Variants in SLC10A7 observed in about 807,000 individuals in gnomAD.
SLC10A7 encodes the protein sodium/bile acid cotransporter 7.
In SLC10A7, 29 loss-of-function variants were observed where a neutral mutation model predicts 43.2. The ratio of observed to expected loss-of-function variants is 0.67; its 90% CI spans 0.50 to 0.92. The LOEUF is 0.92. Ranked by LOEUF, SLC10A7 falls within the 40% of genes least tolerant of loss-of-function variation. SLC10A7 has a pLI of 0.00. For missense variants in SLC10A7, 295 were observed against 403.2 expected, an observed-to-expected ratio of 0.73 and a Z score of 2.30; for synonymous variants, 152 against 144.8, an observed-to-expected ratio of 1.05 and a Z score of -0.35.
intron 4 of SLC10A7, among the ~76,000 whole-genome samples, chr4:146,496,742 A>T (rs1463991248): frequency 3.3e-5 from 5 of 152,206 alleles, no homozygotes; most frequent in Non-Finnish European, 7.3e-5. Context: ...ACATTTCTGA[A>T]ATCACCCATG....
chr4:146,350,670 C>T (rs375293789), intron 5 of SLC10A7, among the ~76,000 whole-genome samples: 1 of 103,576 alleles, frequency 9.7e-6, no homozygotes, highest in African/African-American at 5.2e-5. Context: ...TCTCCCAGCA[C>T]GCAGCTGGAG....
intron 5 of SLC10A7, among the ~76,000 whole-genome samples, chr4:146,360,606 TTTTG>T (rs1001193864): frequency 2.7e-5 from 4 of 150,362 alleles, no homozygotes; most frequent in African/African-American, 7.3e-5. Flanking sequence ...ACACCTGGCT[TTTTG>T]TTTGTTTGTT....
At chr4:146,456,682 C>A (rs1049878246) in intron 4 of SLC10A7, among the ~76,000 whole-genome samples, 3 of 151,900 alleles carry the variant, frequency 2.0e-5, no homozygotes, top group South Asian at 2.1e-4. Flanking sequence ...TGCTCACAAA[C>A]CAAGAGGCAA....
intron 5 of SLC10A7, among the ~76,000 whole-genome samples, chr4:146,352,878 T>G (rs1336471741): frequency 7.0e-6 from 1 of 143,632 alleles, no homozygotes; most frequent in Non-Finnish European, 1.5e-5. Context: ...CTGGGACGCA[T>G]TCAAAGCAGT....
intron 5 of SLC10A7, among the ~76,000 whole-genome samples, chr4:146,370,498 G>C (rs1027297156): frequency 5.3e-5 from 8 of 152,270 alleles, no homozygotes; most frequent in African/African-American, 1.7e-4. Context: ...AGGCAAGGTG[G>C]TGTCAGCTTA....
At chr4:146,380,612 C>T (rs958871080) in intron 5 of SLC10A7, among the ~76,000 whole-genome samples, 23 of 152,012 alleles carry the variant, frequency 1.5e-4, no homozygotes, top group Admixed American at 1.5e-3. Context: ...TTAGGTGTTG[C>T]TAAAGGCTAC....
At chr4:146,507,746 G>A (rs887006059) in intron 3 of SLC10A7, among the ~76,000 whole-genome samples, 2 of 152,122 alleles carry the variant, frequency 1.3e-5, no homozygotes, top group Non-Finnish European at 2.9e-5. Context: ...TAAGGAGCAT[G>A]TGCTCAGAAC....
chr4:146,506,918 T>C (rs1156490167), intron 3 of SLC10A7, among the ~76,000 whole-genome samples: 1 of 152,238 alleles, frequency 6.6e-6, no homozygotes, highest in African/African-American at 2.4e-5. Context: ...ATGTCTAATA[T>C]TGTATTTATA....
intron 5 of SLC10A7, among the ~76,000 whole-genome samples, chr4:146,408,359 G>C (rs1056079887): frequency 5.3e-5 from 8 of 151,954 alleles, no homozygotes; most frequent in Non-Finnish European, 1.2e-4. Context: ...ACCACCCTGG[G>C]GGCAACATGG....
At chr4:146,423,764 C>T (rs1044416856) in intron 5 of SLC10A7, among the ~76,000 whole-genome samples, 2 of 152,086 alleles carry the variant, frequency 1.3e-5, no homozygotes, top group African/African-American at 4.8e-5. Context: ...TGAAATATAG[C>T]CTTGTGAGTT....
rs139512310 is a variant in SLC10A7, at chr4:146,346,529, C to T, written c.436-20533G>A. Among the ~76,000 whole-genome samples, 6 of 152,172 alleles carry T rather than the reference C, an allele frequency of 3.9e-5. No homozygotes were observed. The East Asian group carries it at 1.2e-3, about 29-fold the overall frequency. ...AAGTGAATCAAAATAAAGCTATGAG[C>T]CTTAAGTTTCAGAATTACATAGATA... On this transcript the variant is annotated intron_variant, in intron 5 of 11. Transcript: ENST00000335472.
intron 10 of SLC10A7, among the ~76,000 whole-genome samples, chr4:146,260,854 G>A (rs943572763): frequency 2.0e-5 from 3 of 152,136 alleles, no homozygotes; most frequent in African/African-American, 7.2e-5. Context: ...CCTCCCAGAA[G>A]CACTTCCAGG....
rs573198190 is a variant in SLC10A7 at position 146,422,634 on chromosome 4, T to C, written c.435+20149A>G. 3.9e-5 allele frequency among the ~76,000 whole-genome samples: 6 copies of C among 152,274 alleles called. No homozygotes were observed. The East Asian group carries it at 1.2e-3, about 29-fold the overall frequency. On this transcript the variant is annotated intron_variant, in intron 5 of 11. Coordinates refer to ENST00000335472, the MANE Select transcript of SLC10A7 (RefSeq NM_001029998.6). The stretch of plus-strand genomic sequence containing the variant: ...ATCCAGCTATGACAAACATTAGACC[T>C]GATTTTCTTATATGTATTACTTGTC...
intron 4 of SLC10A7, among the ~76,000 whole-genome samples, chr4:146,487,835 C>T (rs1229377109): frequency 2.6e-5 from 4 of 151,728 alleles, no homozygotes; most frequent in Admixed American, 6.6e-5. Flanking sequence ...TGCTTGAGCC[C>T]AGGATTGTTT....
chr4:146,328,833 A>G (rs1733339033), intron 5 of SLC10A7, among the ~76,000 whole-genome samples: 1 of 152,204 alleles, frequency 6.6e-6, no homozygotes, highest in South Asian at 2.1e-4. Flanking sequence ...TTTCCCTACT[A>G]AAGCCAATCT....
At chr4:146,512,865 A>G (rs901407694) in intron 2 of SLC10A7, among the ~76,000 whole-genome samples, 2 of 152,242 alleles carry the variant, frequency 1.3e-5, no homozygotes, top group African/African-American at 4.8e-5. Flanking sequence ...ATGTTCATCA[A>G]TAGAGGACAA....
Position 146,463,363 on chromosome 4 carries a change from G to A in SLC10A7, c.397-20542C>T, listed in dbSNP as rs1400455. ...GTTCAGGGAAAAGTTAACTTCACAC[G>A]CTTTATAATATTGCTGAAAGTGTGG... On this transcript the variant is annotated intron_variant, in intron 4 of 11. Transcript: ENST00000335472. Among the ~76,000 whole-genome samples the A allele has an allele frequency of 1.8e-3, 269 of 152,202 alleles. 1 individual carries two copies. The highest frequency in any genetic ancestry group is 0.015 in the East Asian group (76 of 5,180).
intron 5 of SLC10A7, among the ~76,000 whole-genome samples, chr4:146,346,684 G>A (rs1241146360): frequency 6.6e-6 from 1 of 151,990 alleles, no homozygotes; most frequent in East Asian, 1.9e-4. Context: ...ATTTAAATGT[G>A]TAACATAATT....
At chr4:146,292,716 C>T (rs535581318) in intron 9 of SLC10A7, among the ~76,000 whole-genome samples, 1 of 152,224 alleles carries the variant, frequency 6.6e-6, no homozygotes, top group African/African-American at 2.4e-5. Context: ...CCTAAGCACT[C>T]AATGTGGATA....
Sources: gnomAD v4.1 joint callset for allele counts (sites outside exome capture counted in the v4.1 genomes callset) on GRCh38, gnomAD v4.1.1 for gene constraint, MANE v1.5 for transcripts, NCBI Gene and HGNC (gene_info 2026-07-23, HGNC 2026-07-21) for gene names.